TUBAL3: variants seen among roughly 807,000 people sequenced by gnomAD.
The protein encoded by TUBAL3 is tubulin alpha like 3.
A neutral mutation model predicts 15.5 loss-of-function variants in TUBAL3; 16 were observed. That is an observed-to-expected ratio of 1.04 (90% CI 0.70 to 1.57). The LOEUF (loss-of-function observed/expected upper bound fraction) is 1.57. Among genes scored for constraint, TUBAL3 ranks in the 40% most tolerant of loss-of-function variants. TUBAL3 has a pLI of 0.00. For missense variants in TUBAL3, 609 were observed against 576.2 expected, an observed-to-expected ratio of 1.06 and a Z score of -0.58; for synonymous variants, 238 against 224.3, an observed-to-expected ratio of 1.06 and a Z score of -0.55.
Position 5,394,169 on chromosome 10 carries a change from GA to G in TUBAL3, c.688del (p.Ser230LeufsTer26). 1.9e-6 allele frequency: 3 copies of G among 1,614,222 alleles called. No individual in the cohort carries two copies. The highest frequency in any genetic ancestry group is 2.5e-6 in the Non-Finnish European group (3 of 1,180,036). On this transcript the variant is annotated frameshift_variant, in exon 4 of 4. Transcript: ENST00000380419. LOFTEE classifies it low-confidence loss of function (END_TRUNC). This position sits in a 1 kb window ranked among gnomAD's most constrained non-coding sequence, Gnocchi z 4.3. ...CACCAATCTATTGATGCTGGCATGA[GA>G]GGGGCATTCAACACCGAGTTTACGA... ...CHRKLGVECP[S>X]HASINRLVVQ...
chr10:5,399,981 A>C (rs1469176444), intron 2 of TUBAL3, among the ~76,000 whole-genome samples: 1 of 152,210 alleles, frequency 6.6e-6, no homozygotes, highest in Non-Finnish European at 1.5e-5. Flanking sequence ...ACAACATCAA[A>C]CCCAAATCTA....
At position 5,404,809 on chromosome 10, in the gene TUBAL3, C is replaced by G. The variant is rs376898117; in HGVS notation, c.-17G>C. 1.9e-6 allele frequency: 3 copies of G among 1,613,386 alleles called. No homozygotes were observed. The highest frequency in any genetic ancestry group is 2.5e-6 in the Non-Finnish European group (3 of 1,179,576). Reference sequence around the variant, plus strand: ...ACTTACCATGCTGATGAGAACGTGCCCTTCCTGCCCTGTAGTAATGACTGA... The same window carrying G: ...ACTTACCATGCTGATGAGAACGTGCGCTTCCTGCCCTGTAGTAATGACTGA... On this transcript the variant is annotated 5_prime_UTR_variant, in exon 1 of 4. Coordinates refer to ENST00000380419, the MANE Select transcript of TUBAL3 (RefSeq NM_024803.3).
chr10:5,398,684 G>A (rs969236903), intron 2 of TUBAL3, among the ~76,000 whole-genome samples: 10 of 152,130 alleles, frequency 6.6e-5, no homozygotes, highest in African/African-American at 2.2e-4. Flanking sequence ...TGTCCATCCC[G>A]CAGCCCAGGA....
Position 5,397,552 on chromosome 10 carries a change from C to T in TUBAL3, c.248-2077G>A, listed in dbSNP as rs556271677. Among the ~76,000 whole-genome samples the T allele has an allele frequency of 7.4e-4, 112 of 152,274 alleles. No homozygotes were observed. The highest frequency in any genetic ancestry group is 1.3e-3 in the Non-Finnish European group (90 of 68,030). On this transcript the variant is annotated intron_variant, in intron 2 of 3. Coordinates refer to ENST00000380419, the MANE Select transcript of TUBAL3 (RefSeq NM_024803.3). This position sits in a 1 kb window ranked among gnomAD's most constrained non-coding sequence, Gnocchi z 4.9. Reference sequence around the variant, plus strand: ...TTCCATAAAATCCATTATCTCAGGGCATAGTGGTTGCAGCACCTGCCGTTC... The same window carrying T: ...TTCCATAAAATCCATTATCTCAGGGTATAGTGGTTGCAGCACCTGCCGTTC...
At chr10:5,399,821 C>T (rs539452430) in intron 2 of TUBAL3, among the ~76,000 whole-genome samples, 1 of 152,350 alleles carries the variant, frequency 6.6e-6, no homozygotes, top group Admixed American at 6.5e-5. Context: ...CCACTTGAGC[C>T]TTCCAAGCTG....
At position 5,393,864 on chromosome 10, in the gene TUBAL3, G is replaced by A. The variant is rs145539086; in HGVS notation, c.994C>T (p.Pro332Ser). Residue 332 changes from proline (P) to serine (S), a missense_variant, in exon 4 of 4, where the codon CCC becomes TCC. Physicochemically the swap from Pro to Ser is moderately conservative, Grantham distance 74. Coordinates refer to ENST00000380419, the MANE Select transcript of TUBAL3 (RefSeq NM_024803.3). ...CCLLYRGDVVPKEVNAAIAAT... is the reference protein window; with the variant it reads ...CCLLYRGDVVSKEVNAAIAAT... Reference sequence around the variant, plus strand: ...GCGATTGCTGCATTCACTTCCTTGGGGACCACATCCCCTCTATAGAGTAGG... The same window carrying A: ...GCGATTGCTGCATTCACTTCCTTGGAGACCACATCCCCTCTATAGAGTAGG... 1.8e-4 allele frequency: 294 copies of A among 1,614,166 alleles called. 1 individual carries two copies. Among genetic ancestry groups the A allele is most frequent in the South Asian group, 8.0e-4 (73 of 91,080 alleles).
intron 2 of TUBAL3, among the ~76,000 whole-genome samples, chr10:5,398,420 CAAAAAAAAA>C (rs67359864): frequency 1.2e-5 from 1 of 80,858 alleles, no homozygotes; most frequent in African/African-American, 5.4e-5. Context: ...AACTCTGTCT[CAAAAAAAAA>C]AAAAAAAAAA....
rs1455282692 is a variant in TUBAL3 at position 5,394,828 on chromosome 10, T to G, written c.397-367A>C. 6.6e-6 allele frequency among the ~76,000 whole-genome samples: 1 copy of G among 152,144 alleles called. No individual in the cohort carries two copies. The highest frequency in any genetic ancestry group is 6.5e-5 in the Admixed American group (1 of 15,274). ...GTCTATGCTCCATCTGGCATGCTGG[T>G]GTAAAAGGTGTTGTAGTAGCTAACA... On this transcript the variant is annotated intron_variant, in intron 3 of 3. Coordinates refer to ENST00000380419, the MANE Select transcript of TUBAL3 (RefSeq NM_024803.3). This position sits in a 1 kb window ranked among gnomAD's most constrained non-coding sequence, Gnocchi z 4.3.
Position 5,393,932 on chromosome 10 carries a change from A to G in TUBAL3, c.926T>C (p.Leu309Pro). The G allele has an allele frequency of 6.2e-7, 1 of 1,614,248 alleles. No individual in the cohort carries two copies. The highest frequency in any genetic ancestry group is 1.1e-5 in the South Asian group (1 of 91,086). The change falls in exon 4 of 4, where the codon CTG becomes CCG. Residue 309 changes from leucine to proline, a missense_variant. By Grantham distance (98) the Leu-to-Pro change is moderately conservative (BLOSUM62 -3). Coordinates refer to ENST00000380419, the MANE Select transcript of TUBAL3 (RefSeq NM_024803.3). ...CCCAAGCCGAGGATCACACTTGACC[A>G]GCTGGTTGGAGGACTCAAAGCAGGC... ...TTACFESSNQ[L>P]VKCDPRLGKY...
At chr10:5,403,923 G>GA (rs1257792213) in intron 1 of TUBAL3, among the ~76,000 whole-genome samples, 1 of 152,174 alleles carries the variant, frequency 6.6e-6, no homozygotes, top group East Asian at 1.9e-4. Context: ...GGTCTTTGTA[G>GA]ATTGATATGC....
chr10:5,401,508 T>A (rs1217049717), intron 1 of TUBAL3, among the ~76,000 whole-genome samples: 1 of 152,040 alleles, frequency 6.6e-6, no homozygotes, highest in African/African-American at 2.4e-5. Flanking sequence ...TAGCTAGTTA[T>A]TGGAAAGAAA....
Position 5,394,544 on chromosome 10 carries a change from G to A in TUBAL3, c.397-83C>T, listed in dbSNP as rs1588411709. 1.4e-5 allele frequency: 18 copies of A among 1,310,268 alleles called. No individual in the cohort carries two copies. The East Asian group carries it at 4.2e-4, about 31-fold the overall frequency. The allele number at this position is 1,310,268 out of a possible 1,614,324, so 81.2% of individuals were successfully genotyped here. A position where few individuals can be genotyped will look rare whatever the true frequency, so the allele number is the denominator to read the frequency against. On this transcript the variant is annotated intron_variant, in intron 3 of 3. Transcript: ENST00000380419. The surrounding 1 kb of genome is among the most constrained non-coding windows in gnomAD (Gnocchi z 4.3). ...TGGACAGTAGTGGCAGGATACAACA[G>A]GTTTCCCCAAAACAAAATCTTTCAG...
chr10:5,396,190 C>T lies in TUBAL3; in HGVS notation c.248-715G>A, dbSNP rs544495756. 1.7e-4 allele frequency among the ~76,000 whole-genome samples: 26 copies of T among 152,246 alleles called. No homozygotes were observed. The highest frequency in any genetic ancestry group is 2.8e-4 in the Non-Finnish European group (19 of 68,014). On this transcript the variant is annotated intron_variant, in intron 2 of 3. Coordinates refer to ENST00000380419, the MANE Select transcript of TUBAL3 (RefSeq NM_024803.3). The surrounding 1 kb of genome is among the most constrained non-coding windows in gnomAD (Gnocchi z 5.1). ...GACAAGTATTTTTATCTACAAATTG[C>T]GAACTGTGTGCTGGAAAGGCACACA... is the stretch of plus-strand genomic sequence containing the variant.
At position 5,394,434 on chromosome 10, in the gene TUBAL3, A is replaced by C. The variant is rs782700349; in HGVS notation, c.424T>G (p.Phe142Val). The C allele has an allele frequency of 3.1e-6, 5 of 1,611,612 alleles. No homozygotes were observed. Among genetic ancestry groups the C allele is most frequent in the Admixed American group, 3.3e-5 (2 of 59,702 alleles). Residue 142 changes from phenylalanine to valine, a missense_variant, in exon 4 of 4, where the codon TTT (phenylalanine) becomes GTT (valine). Physicochemically the swap from Phe to Val is conservative, Grantham distance 50. Transcript: ENST00000380419. The surrounding 1 kb of genome is among the most constrained non-coding windows in gnomAD (Gnocchi z 4.3). ...LAEQCGGLQG[F>V]LIFRSFGGGT... is the part of the protein sequence containing the mutation. Reference sequence around the variant, plus strand: ...CCTCCAAAGCTTCGGAAAATCAAAAATCCCTGAAGTCCACCACACTGTTCT... The same window carrying C: ...CCTCCAAAGCTTCGGAAAATCAAAACTCCCTGAAGTCCACCACACTGTTCT...
At chr10:5,402,588 GT>G (rs1831872398) in intron 1 of TUBAL3, among the ~76,000 whole-genome samples, 1 of 152,130 alleles carries the variant, frequency 6.6e-6, no homozygotes, top group Non-Finnish European at 1.5e-5. Flanking sequence ...CTACACAGGG[GT>G]CCCCAACCCC....
chr10:5,393,115 A>C lies in TUBAL3; in HGVS notation c.*402T>G, dbSNP rs1475587424. 1 of 160,584 alleles carries C rather than the reference A, an allele frequency of 6.2e-6. No homozygotes were observed. Among genetic ancestry groups the C allele is most frequent in the Non-Finnish European group, 1.4e-5 (1 of 73,950 alleles). The allele number at this position is 160,584 out of a possible 1,614,324, so 9.9% of individuals were successfully genotyped here. ...AATAAGAATCATACTGAAAATATTT[A>C]TGATTTAATCAGTGTAAAAAATGTA... On this transcript the variant is annotated 3_prime_UTR_variant, in exon 4 of 4. Transcript: ENST00000380419.
Position 5,394,807 on chromosome 10 carries a change from A to G in TUBAL3, c.397-346T>C, listed in dbSNP as rs1554813937. Among the ~76,000 whole-genome samples, 1 of 152,230 alleles carries G rather than the reference A, an allele frequency of 6.6e-6. No individual in the cohort carries two copies. The highest frequency in any genetic ancestry group is 1.5e-5 in the Non-Finnish European group (1 of 68,044). On this transcript the variant is annotated intron_variant, in intron 3 of 3. Transcript: ENST00000380419. This position sits in a 1 kb window ranked among gnomAD's most constrained non-coding sequence, Gnocchi z 4.3. ...GCAAAATAACATTCCCCCCACGTCT[A>G]TGCTCCATCTGGCATGCTGGTGTAA...
chr10:5,402,555 C>T (rs1378297003), intron 1 of TUBAL3, among the ~76,000 whole-genome samples: 2 of 152,134 alleles, frequency 1.3e-5, no homozygotes, highest in Non-Finnish European at 2.9e-5. Flanking sequence ...CCTCAGGCCT[C>T]CTGTCAATCC....
chr10:5,401,737 A>G (rs1293247706), intron 1 of TUBAL3, among the ~76,000 whole-genome samples: 1 of 152,126 alleles, frequency 6.6e-6, no homozygotes, highest in Non-Finnish European at 1.5e-5. Flanking sequence ...GATTTTATAT[A>G]CATCAACTTT....
Sources: gnomAD v4.1 joint callset for allele counts (sites outside exome capture counted in the v4.1 genomes callset) on GRCh38, gnomAD v4.1.1 for gene constraint, Gnocchi (gnomAD v3.1) non-coding constraint, MANE v1.5 for transcripts, NCBI Gene and HGNC (gene_info 2026-07-23, HGNC 2026-07-21) for gene names.